BICC1: variants seen among roughly 807,000 people sequenced by gnomAD.
BICC1 encodes the protein protein bicaudal C homolog 1.
In BICC1, 43 loss-of-function variants were observed where a neutral mutation model predicts 111.0. That is an observed-to-expected ratio of 0.39 (90% CI 0.30 to 0.50). The LOEUF (loss-of-function observed/expected upper bound fraction) is 0.50, where lower values mean the gene tolerates loss of function less well. BICC1 is among the 20% of genes least tolerant of loss of function. The pLI is 0.88. For synonymous variants in BICC1, 467 were observed against 434.4 expected (o/e 1.07, Z -0.93); for missense variants, 1,091 against 1,203.2 (o/e 0.91, Z 1.38).
chr10:58,560,102 C>T (rs1459127878), intron 1 of BICC1, among the ~76,000 whole-genome samples: 1 of 151,318 alleles, frequency 6.6e-6, no homozygotes, highest in African/African-American at 2.4e-5. Context: ...GGAAGAATTA[C>T]CTCCTCTTCA....
At chr10:58,650,371 G>C (rs1435335052) in intron 2 of BICC1, 1 of 152,148 alleles carries the variant, frequency 6.6e-6, no homozygotes, top group Non-Finnish European at 1.5e-5. Context: ...CAAGTGACCA[G>C]AACTTTATGG....
intron 1 of BICC1, among the ~76,000 whole-genome samples, chr10:58,616,412 G>A (rs1459243615): frequency 1.3e-5 from 2 of 152,220 alleles, no homozygotes; most frequent in Admixed American, 6.5e-5. Flanking sequence ...ATGCCCCAAT[G>A]GGAGAAGGAC....
intron 1 of BICC1, among the ~76,000 whole-genome samples, chr10:58,580,044 C>G (rs1589115299): frequency 7.1e-6 from 1 of 140,244 alleles, no homozygotes; most frequent in African/African-American, 2.6e-5. Context: ...TTTTTTTTTC[C>G]AGACAGAATC....
chr10:58,648,758 T>G, intron 2 of BICC1: 1 of 616,688 alleles, frequency 1.6e-6, no homozygotes, highest in Non-Finnish European at 2.0e-6. Flanking sequence ...TTAATCATGA[T>G]GACTCCTGAT....
chr10:58,622,693 C>T (rs975126497), intron 2 of BICC1, among the ~76,000 whole-genome samples: 2 of 152,164 alleles, frequency 1.3e-5, no homozygotes, highest in African/African-American at 4.8e-5. Context: ...AACTTAGAAA[C>T]AGCCCAAATT....
chr10:58,595,409 T>C (rs1352293953), intron 1 of BICC1, among the ~76,000 whole-genome samples: 4 of 152,182 alleles, frequency 2.6e-5, no homozygotes, highest in Non-Finnish European at 5.9e-5. Context: ...CAACAGAATA[T>C]ACATTCTTCT....
At chr10:58,631,918 T>C (rs984256231) in intron 2 of BICC1, among the ~76,000 whole-genome samples, 1 of 152,196 alleles carries the variant, frequency 6.6e-6, no homozygotes, top group Non-Finnish European at 1.5e-5. Context: ...CTATTGGCAT[T>C]TGTAAAACAA....
chr10:58,692,271 AG>A (rs1015822247), intron 2 of BICC1, among the ~76,000 whole-genome samples: 27 of 152,256 alleles, frequency 1.8e-4, no homozygotes, highest in African/African-American at 6.5e-4. Flanking sequence ...TTCATTGATA[AG>A]TAGGAGTTCT....
At chr10:58,780,824 T>C (rs1251696706) in intron 3 of BICC1, among the ~76,000 whole-genome samples, 2 of 152,074 alleles carry the variant, frequency 1.3e-5, no homozygotes, top group African/African-American at 2.4e-5. Context: ...GTAGAGAAAA[T>C]AAAATTTTAA....
In BICC1 at chr10:58,807,114, G is replaced by A. The variant is rs770896488; in HGVS notation, c.2332G>A (p.Ala778Thr). Reference protein sequence around the residue: ...PAETIKELRRANHVSYKPTMT... With the variant: ...PAETIKELRRTNHVSYKPTMT... ...TGAAACTATCAAGGAGTTGAGAAGG[G>A]CCAATCATGTGTCCTATAAGCCCAC... is the stretch of plus-strand genomic sequence containing the variant. Residue 778 changes from alanine to threonine, a missense_variant, in exon 17 of 21, where the codon GCC (alanine) becomes ACC (threonine). This residue lies in a region of BICC1 where 231 missense variants were observed against 256.2 expected (regional missense o/e 0.90). Coordinates refer to ENST00000373886, the MANE Select transcript of BICC1 (RefSeq NM_001080512.3). 1.2e-6 allele frequency: 2 copies of A among 1,613,866 alleles called. No homozygotes were observed. The highest frequency in any genetic ancestry group is 2.2e-5 in the South Asian group (2 of 91,072).
At chr10:58,696,838 A>C (rs1840078014) in intron 2 of BICC1, among the ~76,000 whole-genome samples, 2 of 152,180 alleles carry the variant, frequency 1.3e-5, no homozygotes, top group South Asian at 4.1e-4. Context: ...TTGTTCTTTG[A>C]GCTTTCTTTT....
chr10:58,560,515 G>A (rs994613815), intron 1 of BICC1, among the ~76,000 whole-genome samples: 4 of 151,432 alleles, frequency 2.6e-5, no homozygotes, highest in East Asian at 1.9e-4. Flanking sequence ...ACTGTATTTC[G>A]ATTTCATTGA....
chr10:58,721,554 GA>G (rs916547032), intron 3 of BICC1, among the ~76,000 whole-genome samples: 7 of 151,952 alleles, frequency 4.6e-5, no homozygotes, highest in East Asian at 1.9e-4. Flanking sequence ...TTGTTTTGAG[GA>G]AAAAAAATAT....
chr10:58,586,574 C>A (rs1844434250), intron 1 of BICC1, among the ~76,000 whole-genome samples: 1 of 150,454 alleles, frequency 6.6e-6, no homozygotes, highest in Admixed American at 6.6e-5. Flanking sequence ...GAGATTGTGC[C>A]ACTACCCTCC....
Position 58,596,923 on chromosome 10 carries a change from A to G in BICC1, c.191-23932A>G, listed in dbSNP as rs183376741. On this transcript the variant is annotated intron_variant, in intron 1 of 20. Coordinates refer to ENST00000373886, the MANE Select transcript of BICC1 (RefSeq NM_001080512.3). ...AGGAGAGGACACAAACAAATGGAAA[A>G]ACATTCCATGCTCATGGATAGGAAG... Among the ~76,000 whole-genome samples the G allele has an allele frequency of 5.1e-4, 78 of 152,332 alleles. 1 individual carries two copies. Among genetic ancestry groups the G allele is most frequent in the African/African-American group, 1.8e-3 (75 of 41,582 alleles).
chr10:58,525,183 A>G (rs879062262), intron 1 of BICC1, among the ~76,000 whole-genome samples: 3 of 135,328 alleles, frequency 2.2e-5, no homozygotes, highest in Non-Finnish European at 5.0e-5. Flanking sequence ...AACTAGAAAT[A>G]CCATTTGACC....
chr10:58,722,606 A>G (rs536999604), intron 3 of BICC1, among the ~76,000 whole-genome samples: 10 of 152,332 alleles, frequency 6.6e-5, no homozygotes, highest in African/African-American at 2.4e-4. Context: ...AGGAAAATAA[A>G]ATTAGGCCAT....
chr10:58,678,020 C>T (rs983108980), intron 2 of BICC1, among the ~76,000 whole-genome samples: 1 of 152,174 alleles, frequency 6.6e-6, no homozygotes, highest in African/African-American at 2.4e-5. Context: ...CCAGGCCTGT[C>T]TTACAAGAGC....
rs369591398 is a variant in BICC1, at chr10:58,513,323, C to G, written c.180C>G (p.Ala60=). Residue 60 remains alanine, a synonymous_variant, in exon 1 of 21, where the codon GCC becomes GCG. Transcript: ENST00000373886. ...GCGTGGACAGGAAGAAACTTGAGGC[C>G]ATGTTACAAGGTAGGCATCCCTCGT... ...RFRVDRKKLE[A]MLQAAAEGKG... The G allele has an allele frequency of 4.4e-6, 7 of 1,606,688 alleles. No individual in the cohort carries two copies. The highest frequency in any genetic ancestry group is 6.0e-6 in the Non-Finnish European group (7 of 1,175,562).
Sources: gnomAD v4.1 joint callset for allele counts (sites outside exome capture counted in the v4.1 genomes callset) on GRCh38, gnomAD v4.1.1 for gene constraint, gnomAD v4.1.1 regional missense constraint, MANE v1.5 for transcripts, NCBI Gene and HGNC (gene_info 2026-07-23, HGNC 2026-07-21) for gene names.